Variants in GLI3 observed in about 807,000 individuals in gnomAD.
GLI3 encodes GLI family zinc finger 3, also known as transcription activator GLI3.
In GLI3, 20 loss-of-function variants were observed where a neutral mutation model predicts 100.8. The ratio of observed to expected loss-of-function variants is 0.20; its 90% CI spans 0.14 to 0.29. GLI3 has a LOEUF of 0.29. Among genes scored for constraint, GLI3 ranks in the 10% least tolerant of loss-of-function variants. GLI3 has a pLI of 1.00. For missense variants in GLI3, 2,040 were observed against 2,128.5 expected (o/e 0.96, Z 0.82); for synonymous variants, 938 against 860.5 (o/e 1.09, Z -1.58).
intron 2 of GLI3, among the ~76,000 whole-genome samples, chr7:42,204,404 G>A: frequency 6.6e-6 from 1 of 152,012 alleles, no homozygotes; most frequent in East Asian, 1.9e-4. Flanking sequence ...ATTGACATGT[G>A]AAGGATTTAA....
At chr7:42,236,701 TC>T (rs1173975179) in intron 1 of GLI3, among the ~76,000 whole-genome samples, 3 of 151,804 alleles carry the variant, frequency 2.0e-5, no homozygotes, top group Non-Finnish European at 4.4e-5. Flanking sequence ...GCAAACTTCG[TC>T]CCCCCTCCGG....
At chr7:42,019,008 CA>C (rs1788853488) in intron 10 of GLI3, among the ~76,000 whole-genome samples, 1 of 152,118 alleles carries the variant, frequency 6.6e-6, no homozygotes, top group African/African-American at 2.4e-5. Flanking sequence ...CTTTTAAAAT[CA>C]TTTGACTTTT....
At chr7:42,046,729 C>T (rs1175008563) in intron 5 of GLI3, among the ~76,000 whole-genome samples, 1 of 152,198 alleles carries the variant, frequency 6.6e-6, no homozygotes, top group African/African-American at 2.4e-5. Context: ...CTCCCTCTCT[C>T]CCTCAGTCTA....
chr7:42,144,721 C>G (rs1341212486), intron 3 of GLI3, among the ~76,000 whole-genome samples: 2 of 151,992 alleles, frequency 1.3e-5, no homozygotes, highest in Admixed American at 6.6e-5. Flanking sequence ...TTACAGGAAG[C>G]CTGCCCACAC....
chr7:42,121,373 A>T (rs846395), intron 3 of GLI3, among the ~76,000 whole-genome samples: 2 of 152,152 alleles, frequency 1.3e-5, no homozygotes, highest in Admixed American at 1.3e-4. Flanking sequence ...TCCTGGGACC[A>T]CATGTTGATA....
chr7:42,015,633 C>T (rs2128727401), intron 10 of GLI3, among the ~76,000 whole-genome samples: 1 of 151,994 alleles, frequency 6.6e-6, no homozygotes, highest in South Asian at 2.1e-4. Context: ...GGAGTTTCTC[C>T]ACCAAGAAAA....
At chr7:42,068,947 TA>T (rs1385454928) in intron 4 of GLI3, among the ~76,000 whole-genome samples, 5 of 152,180 alleles carry the variant, frequency 3.3e-5, no homozygotes, top group Non-Finnish European at 7.3e-5. Flanking sequence ...ATGACAACAG[TA>T]AATTTCTGTT....
chr7:42,004,770 C>T (rs1788403034), intron 10 of GLI3, among the ~76,000 whole-genome samples: 2 of 152,156 alleles, frequency 1.3e-5, no homozygotes, highest in Admixed American at 1.3e-4. Context: ...AACCACCGTG[C>T]TGGGCCAGGA....
At chr7:41,994,130 A>T (rs1788063365) in intron 10 of GLI3, among the ~76,000 whole-genome samples, 1 of 152,220 alleles carries the variant, frequency 6.6e-6, no homozygotes, top group African/African-American at 2.4e-5. Flanking sequence ...GCTTTATCGT[A>T]GGTTTCTCTT....
intron 2 of GLI3, among the ~76,000 whole-genome samples, chr7:42,183,867 C>T (rs1787667579): frequency 6.6e-6 from 1 of 152,108 alleles, no homozygotes; most frequent in Admixed American, 6.5e-5. Context: ...TCTCCTCCTG[C>T]CCCACATGTT....
chr7:42,007,889 A>C (rs1437655965), intron 10 of GLI3, among the ~76,000 whole-genome samples: 1 of 151,620 alleles, frequency 6.6e-6, no homozygotes. Flanking sequence ...CTAAGTAGTA[A>C]TATGTTTTAT....
intron 2 of GLI3, among the ~76,000 whole-genome samples, chr7:42,176,320 C>T: frequency 6.6e-6 from 1 of 151,974 alleles, no homozygotes; most frequent in East Asian, 1.9e-4. Context: ...ACAGGACTTT[C>T]CCCACAAGTC....
chr7:41,983,396 C>T (rs1419159623), intron 10 of GLI3, among the ~76,000 whole-genome samples: 1 of 152,038 alleles, frequency 6.6e-6, no homozygotes, highest in Admixed American at 6.5e-5. Flanking sequence ...GAAAAAAAAA[C>T]ACATTCTTTT....
chr7:42,141,040 T>G (rs7810494), intron 3 of GLI3, among the ~76,000 whole-genome samples: 1 of 152,142 alleles, frequency 6.6e-6, no homozygotes, highest in Non-Finnish European at 1.5e-5. Flanking sequence ...AATAATTACA[T>G]GGAATCTTTA....
chr7:42,223,140 G>A lies in GLI3; in HGVS notation c.114C>T (p.Thr38=), dbSNP rs1788519970. The change falls in exon 2 of 15, where the codon ACC becomes ACT. Residue 38 remains threonine, a synonymous_variant. Transcript: ENST00000395925. Reference sequence around the variant, plus strand: ...CCCTGTGCTGCTCACCATTAGAAGTGGTGCTGGAGGCAACGGCTTTCTCGC... The same window carrying A: ...CCCTGTGCTGCTCACCATTAGAAGTAGTGCTGGAGGCAACGGCTTTCTCGC... ...DVSEKAVASS[T]TSNEDESPGQ... 2.5e-6 allele frequency: 4 copies of A among 1,613,866 alleles called. No homozygotes were observed. Among genetic ancestry groups the A allele is most frequent in the Non-Finnish European group, 3.4e-6 (4 of 1,179,944 alleles).
intron 10 of GLI3, among the ~76,000 whole-genome samples, chr7:41,998,345 T>G (rs1021233156): frequency 6.6e-6 from 1 of 152,216 alleles, no homozygotes; most frequent in Non-Finnish European, 1.5e-5. Context: ...CTGCTTCTTA[T>G]CTGAAGTGTC....
intron 4 of GLI3, among the ~76,000 whole-genome samples, chr7:42,072,915 G>A (rs1173329655): frequency 6.6e-6 from 1 of 152,158 alleles, no homozygotes; most frequent in African/African-American, 2.4e-5. Context: ...GAGAGAGAGG[G>A]AGAGAGAGCA....
At chr7:42,028,953 C>T (rs1158381989) in intron 7 of GLI3, among the ~76,000 whole-genome samples, 1 of 152,136 alleles carries the variant, frequency 6.6e-6, no homozygotes, top group Admixed American at 6.5e-5. Context: ...GGCCATATCC[C>T]CATTCAGGGC....
chr7:42,200,095 C>G (rs914189375), intron 2 of GLI3, among the ~76,000 whole-genome samples: 1 of 152,168 alleles, frequency 6.6e-6, no homozygotes, highest in Non-Finnish European at 1.5e-5. Flanking sequence ...AATTACTACT[C>G]AAGTCATTTT....
Sources: gnomAD v4.1 joint callset for allele counts (sites outside exome capture counted in the v4.1 genomes callset) on GRCh38, gnomAD v4.1.1 for gene constraint, MANE v1.5 for transcripts, NCBI Gene and HGNC (gene_info 2026-07-23, HGNC 2026-07-21) for gene names.